Variants in LAMB2 observed in about 807,000 individuals in gnomAD.
The protein encoded by LAMB2 is laminin subunit beta-2.
In LAMB2, 119 loss-of-function variants were observed where a neutral mutation model predicts 202.7. The ratio of observed to expected loss-of-function variants is 0.59; its 90% CI spans 0.51 to 0.68. The LOEUF is 0.68. Among genes scored for constraint, LAMB2 ranks in the 30% least tolerant of loss-of-function variants. The probability of loss-of-function intolerance (pLI) is 0.00; values close to 1 mark genes in which losing one functional copy is unlikely to be tolerated. For missense variants in LAMB2, 2,124 were observed against 2,410.6 expected (o/e 0.88, Z 2.49); for synonymous variants, 818 against 902.2 (o/e 0.91, Z 1.67).
chr3:49,128,939 G>C (rs1243511362), intron 13 of LAMB2, 81 bp downstream of exon 13: 1 of 1,600,486 alleles, frequency 6.2e-7, no homozygotes, highest in Non-Finnish European at 8.5e-7. Flanking sequence ...CCCTCAACAA[G>C]GTACTGCCCA....
At position 49,123,326 on chromosome 3, in the gene LAMB2, C is replaced by T. The variant is rs1236715922; in HGVS notation, c.4030G>A (p.Glu1344Lys). 6.2e-7 allele frequency: 1 copy of T among 1,614,090 alleles called. No individual in the cohort carries two copies. Among genetic ancestry groups the T allele is most frequent in the Non-Finnish European group, 8.5e-7 (1 of 1,180,026 alleles). ...RHAHSQSAEA[E>K]RRANTSALAV... ...AGGGCTGAGGTATTGGCACGACGTTCTGCCTCTGCAGACTGGCTATGGGCA... is the reference window on the plus strand; with the variant it reads ...AGGGCTGAGGTATTGGCACGACGTTTTGCCTCTGCAGACTGGCTATGGGCA... The change falls in exon 26 of 32, where the codon GAA (glutamate) becomes AAA (lysine). Residue 1344 changes from glutamate to lysine, a missense_variant. Coordinates refer to ENST00000305544, the MANE Select transcript of LAMB2 (RefSeq NM_002292.4).
rs1460555009 is a variant in LAMB2 at position 49,128,650 on chromosome 3, C to G, written c.1890+11G>C. On this transcript the variant is annotated intron_variant, in intron 14 of 31. Coordinates refer to ENST00000305544, the MANE Select transcript of LAMB2 (RefSeq NM_002292.4). ...AGAGGTTCAGCCCCAGATTAGATAA[C>G]AGGGTCTAACCTGGGGCTCTAAGCG... 11 of 1,614,172 alleles carry G rather than the reference C, an allele frequency of 6.8e-6. No individual in the cohort carries two copies. Among genetic ancestry groups the G allele is most frequent in the Non-Finnish European group, 9.3e-6 (11 of 1,180,010 alleles).
chr3:49,131,418 C>T lies in LAMB2; in HGVS notation c.673G>A (p.Ala225Thr). Residue 225 changes from alanine (A) to threonine (T), a missense_variant, in exon 6 of 32, where the codon GCC becomes ACC. Physicochemically the swap from Ala to Thr is moderately conservative, Grantham distance 58. Coordinates refer to ENST00000305544, the MANE Select transcript of LAMB2 (RefSeq NM_002292.4). The surrounding 1 kb of genome is among the most constrained non-coding windows in gnomAD (Gnocchi z 5.0). ...CTGTAGGGGTCTGGGATAGGGATGG[C>T]AGGGTCCAGCACACGATAGATGACC... The part of the protein sequence containing the change: ...GEVIYRVLDP[A>T]IPIPDPYSSR... 6.2e-7 allele frequency: 1 copy of T among 1,614,138 alleles called. No individual in the cohort carries two copies. Among genetic ancestry groups the T allele is most frequent in the Non-Finnish European group, 8.5e-7 (1 of 1,180,020 alleles).
intron 15 of LAMB2, among the ~76,000 whole-genome samples, chr3:49,127,864 C>CA (rs2045434053): frequency 6.6e-6 from 1 of 151,448 alleles, no homozygotes; most frequent in Admixed American, 6.6e-5. Flanking sequence ...ACTAAAAATA[C>CA]AAAAAACTAG....
In LAMB2 at chr3:49,122,940, G is replaced by T; in HGVS notation, c.4337C>A (p.Ala1446Glu). ...RCGGLSCNGAAATADLALGRA... is the reference protein window; with the variant it reads ...RCGGLSCNGAEATADLALGRA... ...GCCCAGTGCTAGGTCTGCTGTAGCC[G>T]CTGCCCCATTGCAGCTGAGGCCCCC... Residue 1446 changes from alanine (A) to glutamate (E), a missense_variant, in exon 27 of 32, where the codon GCG (alanine) becomes GAG (glutamate). By Grantham distance (107) the Ala-to-Glu change is moderately radical. Around this residue, in one of 3 missense-constraint regions of LAMB2, gnomAD observed 1,702 missense variants for 1,896.3 expected, o/e 0.90. Transcript: ENST00000305544. 2 of 1,608,716 alleles carry T rather than the reference G, an allele frequency of 1.2e-6. No individual in the cohort carries two copies. Among genetic ancestry groups the T allele is most frequent in the Non-Finnish European group, 1.7e-6 (2 of 1,179,936 alleles).
Position 49,125,313 on chromosome 3 carries a change from T to C in LAMB2, c.2660A>G (p.Asn887Ser). 7 of 1,613,952 alleles carry C rather than the reference T, an allele frequency of 4.3e-6. No individual in the cohort carries two copies. Among genetic ancestry groups the C allele is most frequent in the African/African-American group, 1.3e-5 (1 of 75,044 alleles). ...GCCCAGGCAAGCGCCTGTGTGGGTG[T>C]TGCACTCATCTGCATGCCCATTGCA... ...CVCNGHADEC[N>S]THTGACLGCR... Residue 887 changes from asparagine (N) to serine (S), a missense_variant, in exon 19 of 32, where the codon AAC becomes AGC. Asn to Ser is a conservative substitution (Grantham distance 46, BLOSUM62 1). Coordinates refer to ENST00000305544, the MANE Select transcript of LAMB2 (RefSeq NM_002292.4).
Position 49,132,987 on chromosome 3 carries a change from C to T in LAMB2, c.-120G>A. ...TCTTTGGCCTGTTTCCCTCCAGGCC[C>T]TCTGTCAGTTCCCAGGTCTGTCCAG... On this transcript the variant is annotated 5_prime_UTR_variant, in exon 1 of 32. Transcript: ENST00000305544. The surrounding 1 kb of genome is among the most constrained non-coding windows in gnomAD (Gnocchi z 4.6). The T allele has an allele frequency of 1.2e-6, 1 of 852,028 alleles. No individual in the cohort carries two copies. Among genetic ancestry groups the T allele is most frequent in the Non-Finnish European group, 2.0e-6 (1 of 511,124 alleles). 52.8% of individuals were successfully genotyped at this position (852,028 alleles called of 1,614,324 possible). A position where few individuals can be genotyped will look rare whatever the true frequency, so the allele number is the denominator to read the frequency against.
intron 31 of LAMB2, 24 bp from the exon 32 acceptor site, chr3:49,121,386 AG>A (rs746603871): frequency 6.8e-6 from 11 of 1,613,962 alleles, no homozygotes; most frequent in East Asian, 2.2e-5. Flanking sequence ...GTGTCAGTTT[AG>A]GGGGGGTTTC....
Position 49,131,192 on chromosome 3 carries a change from C to T in LAMB2, c.713-40G>A, listed in dbSNP as rs1191057780. On this transcript the variant is annotated intron_variant, in intron 6 of 31. Coordinates refer to ENST00000305544, the MANE Select transcript of LAMB2 (RefSeq NM_002292.4). This position sits in a 1 kb window ranked among gnomAD's most constrained non-coding sequence, Gnocchi z 5.0. Reference sequence around the variant, plus strand: ...GGGGGGCCAACTGACCAGGCAGGCCCTTGCTGCCCCATGTCCACCCAGGGG... The same window carrying T: ...GGGGGGCCAACTGACCAGGCAGGCCTTTGCTGCCCCATGTCCACCCAGGGG... 3.1e-6 allele frequency: 5 copies of T among 1,594,676 alleles called. No homozygotes were observed. In the East Asian group the frequency reaches 6.7e-5, roughly 21 times the overall value.
rs547217679 is a variant in LAMB2 at position 49,123,675 on chromosome 3, G to A, written c.3798-44C>T. On this transcript the variant is annotated intron_variant, in intron 24 of 31. Coordinates refer to ENST00000305544, the MANE Select transcript of LAMB2 (RefSeq NM_002292.4). ...GGGTGTTTAGAGAGGCTTCAGCCCTGGTCCACTGGGCCTCTGCCCCATCCC... is the reference window on the plus strand; with the variant it reads ...GGGTGTTTAGAGAGGCTTCAGCCCTAGTCCACTGGGCCTCTGCCCCATCCC... 17 of 1,613,786 alleles carry A rather than the reference G, an allele frequency of 1.1e-5. No individual in the cohort carries two copies. The African/African-American group carries it at 1.9e-4, about 18-fold the overall frequency.
At position 49,124,292 on chromosome 3, in the gene LAMB2, G is replaced by A; in HGVS notation, c.3328-6C>T. 6.2e-7 allele frequency: 1 copy of A among 1,613,962 alleles called. No homozygotes were observed. ...CAGTGGCACTGCCCTGTGAACTGGG[G>A]TGGGAACAAGGCAGGGTCAGAGCCT... is the stretch of plus-strand genomic sequence containing the variant. On this transcript the variant is annotated splice_region_variant and splice_polypyrimidine_tract_variant and intron_variant, in intron 22 of 31. Transcript: ENST00000305544.
intron 15 of LAMB2, among the ~76,000 whole-genome samples, chr3:49,127,859 A>G (rs1195755742): frequency 6.6e-6 from 1 of 151,522 alleles, no homozygotes; most frequent in Non-Finnish European, 1.5e-5. Flanking sequence ...TCTCTACTAA[A>G]AATACAAAAA....
rs1278356712 is a variant in LAMB2 at position 49,126,483 on chromosome 3, G to A, written c.2033C>T (p.Pro678Leu). The A allele has an allele frequency of 1.9e-6, 3 of 1,614,114 alleles. No individual in the cohort carries two copies. Among genetic ancestry groups the A allele is most frequent in the African/African-American group, 1.3e-5 (1 of 75,040 alleles). Residue 678 changes from proline to leucine, a missense_variant, in exon 16 of 32, where the codon CCT (proline) becomes CTT (leucine). This residue lies in a region of LAMB2 where 1,702 missense variants were observed against 1,896.3 expected (regional missense o/e 0.90). Coordinates refer to ENST00000305544, the MANE Select transcript of LAMB2 (RefSeq NM_002292.4). The stretch of plus-strand genomic sequence containing the variant: ...ACCAGGCTCAAGGCAGACAGGATTA[G>A]GAAATATCAAGTACCTGGGGGCGAG... ...LQPHARYLIF[P>L]NPVCLEPGIS...
Position 49,132,822 on chromosome 3 carries a change from A to C in LAMB2, c.46T>G (p.Trp16Gly). 1 of 1,614,158 alleles carries C rather than the reference A, an allele frequency of 6.2e-7. No homozygotes were observed. The highest frequency in any genetic ancestry group is 1.1e-5 in the South Asian group (1 of 91,084). Residue 16 changes from tryptophan (W) to glycine (G), a missense_variant, in exon 1 of 32, where the codon TGG becomes GGG. Coordinates refer to ENST00000305544, the MANE Select transcript of LAMB2 (RefSeq NM_002292.4). This position sits in a 1 kb window ranked among gnomAD's most constrained non-coding sequence, Gnocchi z 4.6. ...AGCAGTAGGCCCAGTCGAAGTTCCC[A>C]GGGCAGAGGCTGTCCCCTCCCTCTT... ...RERGRGQPLP[W>G]ELRLGLLLSV...
chr3:49,127,716 C>G (rs2045431383), intron 15 of LAMB2, among the ~76,000 whole-genome samples: 1 of 148,958 alleles, frequency 6.7e-6, no homozygotes. Flanking sequence ...AACAAACAAA[C>G]AAAACATGAA....
rs764162770 is a variant in LAMB2 at position 49,123,800 on chromosome 3, T to G, written c.3725A>C (p.Gln1242Pro). 1 of 1,613,330 alleles carries G rather than the reference T, an allele frequency of 6.2e-7. No individual in the cohort carries two copies. Among genetic ancestry groups the G allele is most frequent in the South Asian group, 1.1e-5 (1 of 91,080 alleles). The change falls in exon 24 of 32, where the codon CAG becomes CCG. Residue 1242 changes from glutamine to proline, a missense_variant. This residue lies in a region of LAMB2 where 1,702 missense variants were observed against 1,896.3 expected (regional missense o/e 0.90). Transcript: ENST00000305544. Reference sequence around the variant, plus strand: ...GGTGTTGCGGGCACCTACGATGCCCTGCACAATGCCCAGCTTCTCCTGCAT... The same window carrying G: ...GGTGTTGCGGGCACCTACGATGCCCGGCACAATGCCCAGCTTCTCCTGCAT... ...WHMQEKLGIV[Q>P]GIVGARNTSA...
Position 49,131,601 on chromosome 3 carries a change from TG to T in LAMB2, c.581del (p.Pro194HisfsTer7). 1 of 1,613,598 alleles carries T rather than the reference TG, an allele frequency of 6.2e-7. No individual in the cohort carries two copies. The highest frequency in any genetic ancestry group is 8.5e-7 in the Non-Finnish European group (1 of 1,179,966). The part of the protein sequence containing the change: ...ADFPGVPLAP[P>X]RHWDDVVCES... ...CACAGACTACATCATCCCAGTGCCG[TG>T]GGGGTGCTAGTGGGACTCCTGGGAA... On this transcript the variant is annotated frameshift_variant, in exon 5 of 32. Transcript: ENST00000305544. LOFTEE classifies it high-confidence loss of function. The surrounding 1 kb of genome is among the most constrained non-coding windows in gnomAD (Gnocchi z 5.0).
In LAMB2 at chr3:49,130,774, A is replaced by G; in HGVS notation, c.1002T>C (p.Arg334=). ...CQDFYRDLPW[R]PAEDGHSHAC... ...CATGACTATGGCCGTCCTCAGCCGG[A>G]CGCCAGGGCAGGTCACGATAGAAAT... The change falls in exon 8 of 32, where the codon CGT becomes CGC. Residue 334 remains arginine, a synonymous_variant. Transcript: ENST00000305544. This position sits in a 1 kb window ranked among gnomAD's most constrained non-coding sequence, Gnocchi z 5.0. 6.2e-7 allele frequency: 1 copy of G among 1,614,164 alleles called. No individual in the cohort carries two copies. The highest frequency in any genetic ancestry group is 1.1e-5 in the South Asian group (1 of 91,088).
At position 49,124,733 on chromosome 3, in the gene LAMB2, A is replaced by G; in HGVS notation, c.3077T>C (p.Phe1026Ser). The G allele has an allele frequency of 1.2e-6, 2 of 1,614,180 alleles. No individual in the cohort carries two copies. The highest frequency in any genetic ancestry group is 1.7e-6 in the Non-Finnish European group (2 of 1,180,016). ...GPHCAHCKPG[F>S]HGQAARQSCH... Reference sequence around the variant, plus strand: ...GCTCTGTCGGGCAGCCTGCCCATGGAAGCCAGGCTTGCAGTGGGCACAGTG... The same window carrying G: ...GCTCTGTCGGGCAGCCTGCCCATGGGAGCCAGGCTTGCAGTGGGCACAGTG... The change falls in exon 21 of 32, where the codon TTC (phenylalanine) becomes TCC (serine). Residue 1026 changes from phenylalanine (F) to serine (S), a missense_variant. Transcript: ENST00000305544.
Sources: gnomAD v4.1 joint callset for allele counts (sites outside exome capture counted in the v4.1 genomes callset) on GRCh38, gnomAD v4.1.1 for gene constraint, gnomAD v4.1.1 regional missense constraint, Gnocchi (gnomAD v3.1) non-coding constraint, MANE v1.5 for transcripts, NCBI Gene and HGNC (gene_info 2026-07-23, HGNC 2026-07-21) for gene names.